The following CDH13 variants were observed in gnomAD, a reference collection of about 807,000 sequenced individuals.
CDH13 encodes the protein cadherin 13.
A neutral mutation model predicts 63.8 loss-of-function variants in CDH13; 24 were observed. That is an observed-to-expected ratio of 0.38 (90% CI 0.27 to 0.53). The LOEUF (loss-of-function observed/expected upper bound fraction) is 0.53. Ranked by LOEUF, CDH13 falls within the 20% of genes least tolerant of loss-of-function variation. The pLI is 0.85. For synonymous variants in CDH13, 503 were observed against 355.3 expected, an observed-to-expected ratio of 1.42 and a Z score of -4.67; for missense variants, 1,049 against 903.1, an observed-to-expected ratio of 1.16 and a Z score of -2.07.
chr16:82,909,727 C>T (rs2041767557), intron 2 of CDH13, among the ~76,000 whole-genome samples: 1 of 152,094 alleles, frequency 6.6e-6, no homozygotes. Context: ...AATTACCTCC[C>T]ACCGGGTTCC....
At chr16:83,010,666 C>T (rs201854419) in intron 2 of CDH13, among the ~76,000 whole-genome samples, 2 of 152,134 alleles carry the variant, frequency 1.3e-5, no homozygotes, top group Non-Finnish European at 2.9e-5. Flanking sequence ...GCAAACAGGG[C>T]TGATGAAGTC....
chr16:82,692,774 A>T (rs909564126), intron 1 of CDH13, among the ~76,000 whole-genome samples: 2 of 150,298 alleles, frequency 1.3e-5, no homozygotes, highest in Non-Finnish European at 3.0e-5. Flanking sequence ...GTGCATGAAA[A>T]ACCTAGGTTC....
intron 1 of CDH13, among the ~76,000 whole-genome samples, chr16:82,817,586 C>G (rs1210991560): frequency 6.6e-6 from 1 of 152,036 alleles, no homozygotes; most frequent in African/African-American, 2.4e-5. Flanking sequence ...GGTGGATCAC[C>G]TGAGGTCAGG....
intron 3 of CDH13, among the ~76,000 whole-genome samples, chr16:83,083,169 A>G (rs2033366804): frequency 6.6e-6 from 1 of 152,200 alleles, no homozygotes; most frequent in Non-Finnish European, 1.5e-5. Context: ...AGTAATACCA[A>G]TCATGGGTTG....
chr16:83,674,026 T>C (rs2150863395), intron 9 of CDH13, among the ~76,000 whole-genome samples: 1 of 152,316 alleles, frequency 6.6e-6, no homozygotes, highest in East Asian at 1.9e-4. Flanking sequence ...GAGTTCTATC[T>C]GTCTCTCAGC....
intron 13 of CDH13, among the ~76,000 whole-genome samples, chr16:83,783,779 C>T (rs779373901): frequency 6.6e-5 from 10 of 152,272 alleles, no homozygotes; most frequent in African/African-American, 1.4e-4. Context: ...AATGAAAATG[C>T]GCCCAGATTA....
At chr16:83,773,255 A>G (rs1914876844) in intron 11 of CDH13, among the ~76,000 whole-genome samples, 1 of 152,260 alleles carries the variant, frequency 6.6e-6, no homozygotes, top group Admixed American at 6.5e-5. Context: ...GCAAGTTTCT[A>G]AAGTAAATGC....
At chr16:82,881,250 A>C (rs923875497) in intron 2 of CDH13, among the ~76,000 whole-genome samples, 2 of 152,138 alleles carry the variant, frequency 1.3e-5, no homozygotes, top group African/African-American at 4.8e-5. Context: ...TCAAGCTCCC[A>C]TTTGGATGCC....
intron 1 of CDH13, among the ~76,000 whole-genome samples, chr16:82,832,737 G>A (rs1396765150): frequency 6.6e-6 from 1 of 152,132 alleles, no homozygotes; most frequent in East Asian, 1.9e-4. Flanking sequence ...ATCTGGATCA[G>A]TCAGCCTGGT....
chr16:82,992,861 T>G (rs1048018343), intron 2 of CDH13, among the ~76,000 whole-genome samples: 24 of 152,302 alleles, frequency 1.6e-4, no homozygotes, highest in African/African-American at 3.6e-4. Flanking sequence ...AATCAAATTA[T>G]TGGTAAAAAT....
At chr16:83,656,172 G>T (rs184920272) in intron 8 of CDH13, among the ~76,000 whole-genome samples, 2 of 152,254 alleles carry the variant, frequency 1.3e-5, no homozygotes, top group Admixed American at 6.5e-5. Context: ...TCGTAGAAAT[G>T]GAATCATATA....
chr16:83,261,184 G>C (rs952067368), intron 5 of CDH13, among the ~76,000 whole-genome samples: 1 of 152,126 alleles, frequency 6.6e-6, no homozygotes, highest in African/African-American at 2.4e-5. Flanking sequence ...GCAAGGGGGC[G>C]TGCATGCGGA....
At chr16:83,478,004 A>G (rs1020490396) in intron 6 of CDH13, among the ~76,000 whole-genome samples, 6 of 151,778 alleles carry the variant, frequency 4.0e-5, no homozygotes, top group Non-Finnish European at 5.9e-5. Flanking sequence ...ACATGGTGAA[A>G]CCTCATCTCT....
intron 3 of CDH13, among the ~76,000 whole-genome samples, chr16:83,105,099 G>A (rs901220981): frequency 6.6e-5 from 10 of 152,092 alleles, no homozygotes; most frequent in Admixed American, 2.6e-4. Context: ...TGCTGCACCC[G>A]TCAACCCATC....
intron 6 of CDH13, among the ~76,000 whole-genome samples, chr16:83,399,010 G>T (rs901850256): frequency 6.6e-6 from 1 of 152,136 alleles, no homozygotes; most frequent in Non-Finnish European, 1.5e-5. Flanking sequence ...TCATATAAAT[G>T]ATGAAGCTAA....
At chr16:82,709,635 G>T (rs924312176) in intron 1 of CDH13, among the ~76,000 whole-genome samples, 1 of 152,198 alleles carries the variant, frequency 6.6e-6, no homozygotes, top group Non-Finnish European at 1.5e-5. Context: ...CAGCGACTGC[G>T]ACATAGCAAG....
chr16:83,253,230 A>T (rs1410219095), intron 5 of CDH13, among the ~76,000 whole-genome samples: 1 of 152,166 alleles, frequency 6.6e-6, no homozygotes, highest in African/African-American at 2.4e-5. Flanking sequence ...ATGATTCCGT[A>T]AAAGGCTTCC....
intron 5 of CDH13, among the ~76,000 whole-genome samples, chr16:83,225,328 C>T (rs911669617): frequency 2.6e-5 from 4 of 152,164 alleles, no homozygotes; most frequent in African/African-American, 4.8e-5. Flanking sequence ...CCTGGTGCTC[C>T]GGTGTGCCAT....
In CDH13 at chr16:82,729,991, C is replaced by T. The variant is rs149998749; in HGVS notation, c.45+102854C>T. 8.1e-3 allele frequency among the ~76,000 whole-genome samples: 1,239 copies of T among 152,248 alleles called. 10 individuals are homozygous for T. The highest frequency in any genetic ancestry group is 0.014 in the Non-Finnish European group (944 of 68,020). ...CAACCTTTCTTCTGTAGTTCCTTAC[C>T]TCTCTCAGCCTTCAGAAAATTGAAG... On this transcript the variant is annotated intron_variant, in intron 1 of 13. Coordinates refer to ENST00000567109, the MANE Select transcript of CDH13 (RefSeq NM_001257.5).
Sources: allele counts gnomAD v4.1 joint callset (sites outside exome capture counted in the v4.1 genomes callset), GRCh38; gene constraint gnomAD v4.1.1; transcripts MANE v1.5; gene names NCBI Gene and HGNC (gene_info 2026-07-23, HGNC 2026-07-21).